The following DEGS2 variants were observed in gnomAD, a reference collection of about 807,000 sequenced individuals.
DEGS2 encodes sphingolipid delta(4)-desaturase/C4-monooxygenase DES2.
DEGS2 carries 19 observed loss-of-function variants against 23.8 expected under a neutral mutation model. That is an observed-to-expected ratio of 0.80 (90% CI 0.56 to 1.17). The LOEUF is 1.17. Ranked by LOEUF, DEGS2 falls within the 50% of genes most tolerant of loss-of-function variation. The probability of loss-of-function intolerance (pLI) is 0.00; values close to 1 mark genes in which losing one functional copy is unlikely to be tolerated. For synonymous variants in DEGS2, 218 were observed against 213.7 expected, an observed-to-expected ratio of 1.02 and a Z score of -0.18; for missense variants, 390 against 459.5, an observed-to-expected ratio of 0.85 and a Z score of 1.38.
Position 100,149,164 on chromosome 14 carries a change from A to C in DEGS2, c.629T>G (p.Val210Gly), listed in dbSNP as rs767573961. Residue 210 changes from valine to glycine, a missense_variant, in exon 2 of 3, where the codon GTC (valine) becomes GGC (glycine). Coordinates refer to ENST00000305631, the MANE Select transcript of DEGS2 (RefSeq NM_206918.3). The part of the protein sequence containing the change: ...IFALWGLKPV[V>G]YLLASSFLGL... ...CAGGAAGGAGCTGGCCAGCAGGTAG[A>C]CCACGGGCTTGAGCCCCCAAAGGGC... 1 of 1,612,898 alleles carries C rather than the reference A, an allele frequency of 6.2e-7. No homozygotes were observed. Among genetic ancestry groups the C allele is most frequent in the Non-Finnish European group, 8.5e-7 (1 of 1,179,958 alleles).
At chr14:100,155,879 C>G (rs1052580218) in intron 1 of DEGS2, among the ~76,000 whole-genome samples, 1 of 151,988 alleles carries the variant, frequency 6.6e-6, no homozygotes, top group African/African-American at 2.4e-5. Flanking sequence ...AAAAAACAAA[C>G]CCAGAGCTTG....
At chr14:100,165,865 G>C in the DEGS2 span, among the ~76,000 whole-genome samples, 44 of 143,164 alleles carry the variant, frequency 3.1e-4, no homozygotes, top group African/African-American at 9.7e-4. Context: ...GGGGGAGACT[G>C]CATCAAAGAG....
Position 100,159,492 on chromosome 14 carries a change from C to G in DEGS2, c.82+14G>C. ...GGGCGGTCCCCACCGGGGTGGGCCC[C>G]GCGCGGCGCTCACCCAGTATCTCCT... On this transcript the variant is annotated intron_variant, in intron 1 of 2. Coordinates refer to ENST00000305631, the MANE Select transcript of DEGS2 (RefSeq NM_206918.3). The G allele has an allele frequency of 2.0e-6, 3 of 1,484,626 alleles. No individual in the cohort carries two copies. Among genetic ancestry groups the G allele is most frequent in the Non-Finnish European group, 2.7e-6 (3 of 1,118,854 alleles). 92.0% of individuals were successfully genotyped at this position (1,484,626 alleles called of 1,614,324 possible).
In DEGS2 at chr14:100,145,018, G is replaced by A. The variant is rs776517105; in HGVS notation, c.*1743C>T. 1.3e-5 allele frequency: 2 copies of A among 152,306 alleles called. No homozygotes were observed. The highest frequency in any genetic ancestry group is 2.9e-5 in the Non-Finnish European group (2 of 68,096). The allele number at this position is 152,306 out of a possible 1,614,324, so 9.4% of individuals were successfully genotyped here. A position where few individuals can be genotyped will look rare whatever the true frequency, so the allele number is the denominator to read the frequency against. On this transcript the variant is annotated 3_prime_UTR_variant, in exon 3 of 3. Transcript: ENST00000305631. ...CTTCGCCTAGGCTTCACCTAGGTCT[G>A]GTGGCACTTTTAACCCAGGGCCTGC...
chr14:100,158,748 T>C (rs562826895), intron 1 of DEGS2, among the ~76,000 whole-genome samples: 10 of 152,152 alleles, frequency 6.6e-5, no homozygotes, highest in Admixed American at 6.5e-4. Context: ...CAAAAGCCAC[T>C]CTCCAGACGC....
At chr14:100,157,278 A>C (rs1215752060) in intron 1 of DEGS2, among the ~76,000 whole-genome samples, 2 of 152,232 alleles carry the variant, frequency 1.3e-5, no homozygotes, top group Non-Finnish European at 2.9e-5. Context: ...CCCAGCTCCT[A>C]TTCTATGGAT....
the DEGS2 span, among the ~76,000 whole-genome samples, chr14:100,164,933 G>C: frequency 3.9e-5 from 6 of 152,210 alleles, no homozygotes; most frequent in Non-Finnish European, 7.3e-5. Flanking sequence ...AACAAAAAAC[G>C]AAGAATGGAT....
At chr14:100,147,128 A>T (rs1048351839) in intron 2 of DEGS2, among the ~76,000 whole-genome samples, 2 of 152,154 alleles carry the variant, frequency 1.3e-5, no homozygotes, top group Admixed American at 6.5e-5. Flanking sequence ...ACACAAGGCC[A>T]CCCCTCTGGT....
In DEGS2 at chr14:100,146,924, G is replaced by A. The variant is rs374471976; in HGVS notation, c.826-17C>T. 111 of 1,605,608 alleles carry A rather than the reference G, an allele frequency of 6.9e-5. No individual in the cohort carries two copies. Among genetic ancestry groups the A allele is most frequent in the Non-Finnish European group, 8.7e-5 (102 of 1,175,972 alleles). On this transcript the variant is annotated splice_polypyrimidine_tract_variant and intron_variant, in intron 2 of 2. Transcript: ENST00000305631. ...CTTCCGCACCTGTAGAGAGGAGGGCGGGGCTCAGGGGCTGGTTCTCCTCGG... is the reference window on the plus strand; with the variant it reads ...CTTCCGCACCTGTAGAGAGGAGGGCAGGGCTCAGGGGCTGGTTCTCCTCGG...
chr14:100,155,616 C>A (rs1051633134), intron 1 of DEGS2: 1 of 152,230 alleles, frequency 6.6e-6, no homozygotes, highest in Non-Finnish European at 1.5e-5. Context: ...TGCAGCCGGG[C>A]AGCTCTGTGG....
intron 2 of DEGS2, among the ~76,000 whole-genome samples, chr14:100,148,319 T>A (rs964905576): frequency 5.3e-5 from 8 of 151,984 alleles, no homozygotes; most frequent in Non-Finnish European, 1.2e-4. Flanking sequence ...CTCGAACACC[T>A]CCCCAGTGCC....
upstream of DEGS2, among the ~76,000 whole-genome samples, chr14:100,163,460 T>A (rs1566744964): frequency 6.6e-6 from 1 of 151,420 alleles, no homozygotes; most frequent in Non-Finnish European, 1.5e-5. Flanking sequence ...AAAATAAAAA[T>A]AAAAAAATAA....
chr14:100,146,647 G>T lies in DEGS2; in HGVS notation c.*114C>A. ...GGTGTGGCTGCGCGGGACACTCCTC[G>T]GGGACAAGGGCAGCAGTCCAGAGCA... On this transcript the variant is annotated 3_prime_UTR_variant, in exon 3 of 3. Transcript: ENST00000305631. 1 of 1,457,780 alleles carries T rather than the reference G, an allele frequency of 6.9e-7. No homozygotes were observed. Among genetic ancestry groups the T allele is most frequent in the Non-Finnish European group, 9.2e-7 (1 of 1,085,724 alleles). The allele number at this position is 1,457,780 out of a possible 1,614,324, so 90.3% of individuals were successfully genotyped here. A position where few individuals can be genotyped will look rare whatever the true frequency, so the allele number is the denominator to read the frequency against.
At position 100,159,625 on chromosome 14, in the gene DEGS2, C is replaced by T; in HGVS notation, c.-38G>A. On this transcript the variant is annotated 5_prime_UTR_variant, in exon 1 of 3. Transcript: ENST00000305631. ...GGCGCCGTTCGGAGCGCGGCCGGCTCGGCTCTGCTGCACCTGTCGCGGCGG... is the reference window on the plus strand; with the variant it reads ...GGCGCCGTTCGGAGCGCGGCCGGCTTGGCTCTGCTGCACCTGTCGCGGCGG... 7.7e-7 allele frequency: 1 copy of T among 1,301,190 alleles called. No individual in the cohort carries two copies. The highest frequency in any genetic ancestry group is 1.0e-6 in the Non-Finnish European group (1 of 999,880). The allele number at this position is 1,301,190 out of a possible 1,614,324, so 80.6% of individuals were successfully genotyped here.
chr14:100,149,057 A>G lies in DEGS2; in HGVS notation c.736T>C (p.Tyr246His), dbSNP rs1251502398. The G allele has an allele frequency of 6.2e-7, 1 of 1,612,916 alleles. No homozygotes were observed. Residue 246 changes from tyrosine to histidine, a missense_variant, in exon 2 of 3, where the codon TAT becomes CAT. Tyr to His is a moderately conservative substitution (Grantham distance 83, BLOSUM62 2). Transcript: ENST00000305631. Reference sequence around the variant, plus strand: ...AAGGTGATCCAGTTGAGAGGCCCATAGTAGGAGTAGGTCTCGTGGCCCTTG... The same window carrying G: ...AAGGTGATCCAGTTGAGAGGCCCATGGTAGGAGTAGGTCTCGTGGCCCTTG... The part of the protein sequence containing the change: ...FLKGHETYSY[Y>H]GPLNWITFNV...
upstream of DEGS2, chr14:100,159,653 G>T: frequency 8.7e-7 from 1 of 1,154,204 alleles, no homozygotes; most frequent in Non-Finnish European, 1.2e-6. Flanking sequence ...CGCGGCGGCC[G>T]CGGCGCGGAA....
intron 1 of DEGS2, among the ~76,000 whole-genome samples, chr14:100,155,342 T>C (rs947855872): frequency 6.6e-6 from 1 of 152,102 alleles, no homozygotes; most frequent in African/African-American, 2.4e-5. Flanking sequence ...CCTAAACTTC[T>C]TCCTCCCAGC....
chr14:100,150,645 C>T (rs1889555183), intron 1 of DEGS2, among the ~76,000 whole-genome samples: 1 of 152,146 alleles, frequency 6.6e-6, no homozygotes. Context: ...TCACTTTCCC[C>T]ATCTGCTGAA....
intron 2 of DEGS2, 123 bp from the exon 3 acceptor site, chr14:100,147,030 TGC>T (rs1472420409): frequency 1.6e-5 from 19 of 1,171,874 alleles, no homozygotes; most frequent in East Asian, 2.4e-5. Context: ...CGAACATGTT[TGC>T]GCGCGCGCAC....
Sources: allele counts gnomAD v4.1 joint callset (sites outside exome capture counted in the v4.1 genomes callset), GRCh38; gene constraint gnomAD v4.1.1; transcripts MANE v1.5; gene names NCBI Gene and HGNC (gene_info 2026-07-23, HGNC 2026-07-21).